Variants in PDE1C observed in about 807,000 individuals in gnomAD.
PDE1C encodes phosphodiesterase 1C.
Under a neutral mutation model 93.1 loss-of-function variants are expected in PDE1C, and 62 were observed. The ratio of observed to expected loss-of-function variants is 0.67; its 90% confidence interval spans 0.54 to 0.82. The LOEUF (loss-of-function observed/expected upper bound fraction) is 0.82, where lower values mean the gene tolerates loss of function less well. Ranked by LOEUF, PDE1C falls within the 40% of genes least tolerant of loss-of-function variation. The pLI, the probability that PDE1C is intolerant of heterozygous loss-of-function variation, is 0.00. For synonymous variants in PDE1C, 325 were observed against 310.1 expected, an observed-to-expected ratio of 1.05 and a Z score of -0.50; for missense variants, 742 against 884.6, an observed-to-expected ratio of 0.84 and a Z score of 2.04.
At chr7:31,869,533 T>C (rs1562947271) in intron 6 of PDE1C, among the ~76,000 whole-genome samples, 3 of 151,986 alleles carry the variant, frequency 2.0e-5, no homozygotes, top group Non-Finnish European at 4.4e-5. Context: ...AAGAAAGTCA[T>C]GGTATAATGA....
At chr7:32,040,667 G>C (rs1393115223) in intron 2 of PDE1C, among the ~76,000 whole-genome samples, 1 of 152,102 alleles carries the variant, frequency 6.6e-6, no homozygotes, top group Non-Finnish European at 1.5e-5. Context: ...ATAGTTTAAA[G>C]AACATAAATT....
At chr7:32,142,061 T>C (rs1011594719) in intron 3 of PDE1C, among the ~76,000 whole-genome samples, 2 of 152,058 alleles carry the variant, frequency 1.3e-5, no homozygotes, top group Admixed American at 1.3e-4. Context: ...CAGTTGGGTT[T>C]TGAGTGGGAA....
Position 31,864,909 on chromosome 7 carries a change from T to C in PDE1C, c.750+33A>G, listed in dbSNP as rs1282011707. Reference sequence around the variant, plus strand: ...CATTAAAAACTCATCCTTACATCTTTTGGGGAACCTAAGAGTTCCTATCCC... The same window carrying C: ...CATTAAAAACTCATCCTTACATCTTCTGGGGAACCTAAGAGTTCCTATCCC... On this transcript the variant is annotated intron_variant, in intron 7 of 17. Transcript: ENST00000396191. 9 of 1,601,792 alleles carry C rather than the reference T, an allele frequency of 5.6e-6. No homozygotes were observed. In the Admixed American group the frequency reaches 6.7e-5, roughly 12 times the overall value.
the PDE1C span, chr7:31,708,457 A>G: frequency 1.3e-5 from 2 of 152,230 alleles, no homozygotes; most frequent in African/African-American, 4.8e-5. Flanking sequence ...ATCTATCCAC[A>G]TCTCTGTCCT....
chr7:32,370,936 A>G (rs901750865), intron 1 of PDE1C, among the ~76,000 whole-genome samples: 4 of 152,124 alleles, frequency 2.6e-5, no homozygotes, highest in African/African-American at 9.7e-5. Context: ...AAAACATTAT[A>G]TTAAGTGAAA....
At chr7:31,638,641 C>T in the PDE1C span, among the ~76,000 whole-genome samples, 1 of 152,194 alleles carries the variant, frequency 6.6e-6, no homozygotes, top group Non-Finnish European at 1.5e-5. Flanking sequence ...TGTCTTCTTA[C>T]TTGGATTATT....
At chr7:31,895,541 G>T (rs1167738789) in intron 2 of PDE1C, among the ~76,000 whole-genome samples, 2 of 150,654 alleles carry the variant, frequency 1.3e-5, no homozygotes, top group African/African-American at 2.4e-5. Flanking sequence ...TGCTAGATTG[G>T]GTGGTTTCAT....
intron 8 of PDE1C, among the ~76,000 whole-genome samples, chr7:31,849,181 C>T (rs1277395759): frequency 2.0e-5 from 3 of 152,148 alleles, no homozygotes; most frequent in Admixed American, 6.5e-5. Context: ...ATGTATATTT[C>T]GTGACACTTT....
At chr7:31,694,746 A>C in the PDE1C span, among the ~76,000 whole-genome samples, 1 of 152,174 alleles carries the variant, frequency 6.6e-6, no homozygotes, top group Non-Finnish European at 1.5e-5. Flanking sequence ...AGCAGAGGAG[A>C]GACTTGAATG....
At chr7:32,066,529 T>A (rs1442133537) in intron 1 of PDE1C, among the ~76,000 whole-genome samples, 1 of 152,180 alleles carries the variant, frequency 6.6e-6, no homozygotes, top group Non-Finnish European at 1.5e-5. Context: ...CCTGCTCTCT[T>A]GCTCTCAGTT....
chr7:32,206,086 C>T (rs1403505345), intron 2 of PDE1C, among the ~76,000 whole-genome samples: 1 of 152,118 alleles, frequency 6.6e-6, no homozygotes, highest in Non-Finnish European at 1.5e-5. Flanking sequence ...AGGTTACCTG[C>T]TCAACGCGGC....
intron 2 of PDE1C, among the ~76,000 whole-genome samples, chr7:32,192,594 A>G (rs1047027664): frequency 1.3e-5 from 2 of 152,132 alleles, no homozygotes; most frequent in African/African-American, 4.8e-5. Context: ...CAATGTAGTT[A>G]TATAGGCCTT....
At chr7:32,274,111 C>T (rs1226843769) in intron 1 of PDE1C, among the ~76,000 whole-genome samples, 1 of 152,136 alleles carries the variant, frequency 6.6e-6, no homozygotes, top group East Asian at 1.9e-4. Flanking sequence ...CTAGTATAAC[C>T]TCTCAAACAT....
chr7:32,285,374 CAT>C (rs1423428817), intron 1 of PDE1C, among the ~76,000 whole-genome samples: 1 of 152,214 alleles, frequency 6.6e-6, no homozygotes, highest in Non-Finnish European at 1.5e-5. Context: ...AGACTTAAAA[CAT>C]ATGTCCACAC....
intron 1 of PDE1C, among the ~76,000 whole-genome samples, chr7:32,220,217 A>G (rs1278119378): frequency 2.0e-5 from 3 of 152,084 alleles, no homozygotes; most frequent in Admixed American, 2.0e-4. Context: ...ATTACAGTCC[A>G]CCCTGGACAA....
intron 1 of PDE1C, among the ~76,000 whole-genome samples, chr7:32,230,796 A>G (rs962104994): frequency 9.2e-5 from 14 of 152,098 alleles, no homozygotes; most frequent in African/African-American, 3.4e-4. Flanking sequence ...CACACAACCC[A>G]GGGGAGCAAT....
At chr7:32,002,125 T>C (rs1224887496) in intron 2 of PDE1C, among the ~76,000 whole-genome samples, 2 of 152,114 alleles carry the variant, frequency 1.3e-5, no homozygotes, top group African/African-American at 4.8e-5. Flanking sequence ...CAGTAAAAAC[T>C]GCAGTGGGAA....
chr7:31,977,916 G>A (rs903236002), intron 2 of PDE1C, among the ~76,000 whole-genome samples: 1 of 152,176 alleles, frequency 6.6e-6, no homozygotes, highest in African/African-American at 2.4e-5. Context: ...CTATGGGCCA[G>A]TCCTTGGGCT....
intron 2 of PDE1C, among the ~76,000 whole-genome samples, chr7:31,912,867 A>G (rs899388293): frequency 6.6e-6 from 1 of 152,196 alleles, no homozygotes; most frequent in African/African-American, 2.4e-5. Context: ...TGTATTTCAA[A>G]GACAATAAAT....
Sources: gnomAD v4.1 joint callset for allele counts (sites outside exome capture counted in the v4.1 genomes callset) on GRCh38, gnomAD v4.1.1 for gene constraint, MANE v1.5 for transcripts, NCBI Gene and HGNC (gene_info 2026-07-23, HGNC 2026-07-21) for gene names.